CBL: variants seen among roughly 807,000 people sequenced by gnomAD.
CBL encodes E3 ubiquitin-protein ligase CBL.
CBL carries 45 observed loss-of-function variants against 96.9 expected under a neutral mutation model. The observed-to-expected ratio is 0.46, with a 90% CI of 0.37 to 0.60. CBL has a LOEUF of 0.60. CBL is among the 20% of genes least tolerant of loss of function. The pLI is 0.00. For synonymous variants in CBL, 420 were observed against 426.8 expected (o/e 0.98, Z 0.20); for missense variants, 1,024 against 1,143.5 (o/e 0.90, Z 1.51).
chr11:119,307,114 C>G lies in CBL; in HGVS notation c.*7333C>G, dbSNP rs188853364. The G allele has an allele frequency of 1.9e-3, 448 of 231,628 alleles. 3 individuals are homozygous for G. Among genetic ancestry groups the G allele is most frequent in the African/African-American group, 9.3e-3 (421 of 45,328 alleles). The allele number at this position is 231,628 out of a possible 1,614,324, so 14.3% of individuals were successfully genotyped here. ...ATGCTCTCTGTGACTGGAGAGGTGA[C>G]ATGCAGGTGCAGTGTGTCTGGAGTC... On this transcript the variant is annotated 3_prime_UTR_variant, in exon 16 of 16. Transcript: ENST00000264033.
chr11:119,206,406 C>T lies in CBL; in HGVS notation c.-12C>T, dbSNP rs777427707. Reference sequence around the variant, plus strand: ...CCGGCGGACCCGCCTGGGCTCCGACCCTGCCCAGGCCATGGCCGGCAACGT... The same window carrying T: ...CCGGCGGACCCGCCTGGGCTCCGACTCTGCCCAGGCCATGGCCGGCAACGT... On this transcript the variant is annotated 5_prime_UTR_variant, in exon 1 of 16. Coordinates refer to ENST00000264033, the MANE Select transcript of CBL (RefSeq NM_005188.4). 1.4e-5 allele frequency: 22 copies of T among 1,540,570 alleles called. No homozygotes were observed. In the South Asian group the frequency reaches 2.4e-4, roughly 17 times the overall value.
chr11:119,293,175 GCT>G (rs993265668), intron 12 of CBL, among the ~76,000 whole-genome samples: 1 of 151,832 alleles, frequency 6.6e-6, no homozygotes, highest in African/African-American at 2.4e-5. Flanking sequence ...TGCAGTCTCG[GCT>G]CTCTGCAACC....
intron 2 of CBL, among the ~76,000 whole-genome samples, chr11:119,260,424 A>G (rs1189156709): frequency 6.6e-6 from 1 of 151,738 alleles, no homozygotes; most frequent in Non-Finnish European, 1.5e-5. Context: ...TTGTATTTTT[A>G]GTAGAGATGG....
At chr11:119,235,682 GTA>G (rs1301393227) in intron 2 of CBL, among the ~76,000 whole-genome samples, 1 of 152,162 alleles carries the variant, frequency 6.6e-6, no homozygotes, top group African/African-American at 2.4e-5. Flanking sequence ...AAAAGTCTGT[GTA>G]TAAGTGAATC....
intron 2 of CBL, among the ~76,000 whole-genome samples, chr11:119,239,168 G>A (rs929293712): frequency 6.6e-6 from 1 of 151,902 alleles, no homozygotes; most frequent in Non-Finnish European, 1.5e-5. Context: ...ACGAGGTTTC[G>A]TCGTGTTGCC....
At chr11:119,278,468 AT>A in intron 8 of CBL, 41 bp from the exon 9 acceptor site, 1 of 1,569,378 alleles carries the variant, frequency 6.4e-7, no homozygotes, top group East Asian at 2.2e-5. Flanking sequence ...TATTTTAAGT[AT>A]TTTCAGATGC....
At chr11:119,282,966 G>T (rs1192455785) in intron 9 of CBL, among the ~76,000 whole-genome samples, 1 of 151,644 alleles carries the variant, frequency 6.6e-6, no homozygotes, top group African/African-American at 2.4e-5. Context: ...ATGTGGTGGC[G>T]CACAGCTTGT....
intron 12 of CBL, among the ~76,000 whole-genome samples, chr11:119,295,725 A>T (rs1950058826): frequency 6.6e-6 from 1 of 152,148 alleles, no homozygotes; most frequent in African/African-American, 2.4e-5. Context: ...TTCTTTCTGA[A>T]TATGGACTGT....
rs201747825 is a variant in CBL at position 119,278,301 on chromosome 11, C to G, written c.1227+4C>G. 2 of 1,613,824 alleles carry G rather than the reference C, an allele frequency of 1.2e-6. No homozygotes were observed. Among genetic ancestry groups the G allele is most frequent in the Non-Finnish European group, 1.7e-6 (2 of 1,179,844 alleles). The stretch of plus-strand genomic sequence containing the variant: ...ATCCTGTCTTACATCCTGGCAGGTA[C>G]GGATCTAAACAGCGACTTTTTTCAG... On this transcript the variant is annotated splice_donor_region_variant and intron_variant, in intron 8 of 15. Transcript: ENST00000264033.
intron 2 of CBL, among the ~76,000 whole-genome samples, chr11:119,242,832 CTTT>C (rs1227360413): frequency 6.7e-6 from 1 of 148,892 alleles, no homozygotes; most frequent in East Asian, 2.0e-4. Context: ...GGCAAATCTA[CTTT>C]TTTTTACTTT....
intron 9 of CBL, among the ~76,000 whole-genome samples, chr11:119,279,792 T>G (rs987139845): frequency 1.3e-5 from 2 of 152,282 alleles, no homozygotes; most frequent in African/African-American, 4.8e-5. Context: ...TTCAGAGCAC[T>G]TAAATTCTGT....
At chr11:119,274,100 A>G (rs1191367684) in intron 4 of CBL, 76 bp downstream of exon 4, 1 of 1,092,038 alleles carries the variant, frequency 9.2e-7, no homozygotes, top group Non-Finnish European at 1.4e-6. Context: ...TTTTTTTTTA[A>G]ATAACATTTG....
chr11:119,273,839 T>C (rs1190589833), intron 3 of CBL, 29 bp from the exon 4 acceptor site: 1 of 1,606,078 alleles, frequency 6.2e-7, no homozygotes, highest in Non-Finnish European at 8.5e-7. Flanking sequence ...GTTATTTCAC[T>C]TTATGCCTCC....
intron 9 of CBL, among the ~76,000 whole-genome samples, chr11:119,283,914 G>A (rs1949959982): frequency 6.6e-6 from 1 of 151,986 alleles, no homozygotes; most frequent in Non-Finnish European, 1.5e-5. Context: ...TGCGATTACA[G>A]GCGTGAGCCA....
At chr11:119,243,165 C>G (rs1259895107) in intron 2 of CBL, among the ~76,000 whole-genome samples, 2 of 152,016 alleles carry the variant, frequency 1.3e-5, no homozygotes, top group Non-Finnish European at 2.9e-5. Context: ...GTAATCCCAG[C>G]TACTTGGCAA....
At chr11:119,246,926 A>G (rs1949636164) in intron 2 of CBL, among the ~76,000 whole-genome samples, 2 of 152,256 alleles carry the variant, frequency 1.3e-5, no homozygotes, top group Admixed American at 1.3e-4. Flanking sequence ...AGATTTTTCC[A>G]TATATTGATA....
intron 3 of CBL, among the ~76,000 whole-genome samples, chr11:119,273,424 A>C (rs1949863160): frequency 6.6e-6 from 1 of 151,798 alleles, no homozygotes; most frequent in Non-Finnish European, 1.5e-5. Flanking sequence ...ATTATTTTTT[A>C]TTTTTCTTTT....
At chr11:119,218,141 A>G (rs1028499779) in intron 1 of CBL, among the ~76,000 whole-genome samples, 5 of 152,152 alleles carry the variant, frequency 3.3e-5, no homozygotes, top group African/African-American at 1.2e-4. Context: ...TTATGTTGAC[A>G]CTTTTCCACA....
intron 1 of CBL, among the ~76,000 whole-genome samples, chr11:119,215,081 G>A (rs1251411048): frequency 2.0e-5 from 3 of 152,054 alleles, no homozygotes; most frequent in Non-Finnish European, 4.4e-5. Context: ...AGCCGGTTGA[G>A]TATTTCATGT....
Sources: gnomAD v4.1 joint callset for allele counts (sites outside exome capture counted in the v4.1 genomes callset) on GRCh38, gnomAD v4.1.1 for gene constraint, MANE v1.5 for transcripts, NCBI Gene and HGNC (gene_info 2026-07-23, HGNC 2026-07-21) for gene names.